The following CAPN1 variants were observed in gnomAD, a reference collection of about 807,000 sequenced individuals.
The protein encoded by CAPN1 is calpain-1 catalytic subunit.
A neutral mutation model predicts 105.2 loss-of-function variants in CAPN1; 77 were observed. That is an observed-to-expected ratio of 0.73 (90% confidence interval 0.61 to 0.88). The LOEUF (loss-of-function observed/expected upper bound fraction) is 0.88, where lower values mean the gene tolerates loss of function less well. Ranked by LOEUF, CAPN1 falls within the 40% of genes least tolerant of loss-of-function variation. The probability of loss-of-function intolerance (pLI) is 0.00; values close to 1 mark genes in which losing one functional copy is unlikely to be tolerated. For synonymous variants in CAPN1, 355 were observed against 388.8 expected (o/e 0.91, Z 1.02); for missense variants, 833 against 976.6 (o/e 0.85, Z 1.96).
Position 65,204,802 on chromosome 11 carries a change from C to T in CAPN1, c.1285C>T (p.Arg429Cys), listed in dbSNP as rs777787068. 7 of 1,612,456 alleles carry T rather than the reference C, an allele frequency of 4.3e-6. No homozygotes were observed. Among genetic ancestry groups the T allele is most frequent in the African/African-American group, 1.3e-5 (1 of 74,936 alleles). The change falls in exon 11 of 22, where the codon CGC (arginine) becomes TGC (cysteine). Residue 429 changes from arginine (R) to cysteine (C), a missense_variant. Coordinates refer to ENST00000279247, the MANE Select transcript of CAPN1 (RefSeq NM_005186.4). The part of the protein sequence containing the change: ...FVLALMQKHR[R>C]RERRFGRDME... ...GCTCGCCCTTATGCAGAAGCACCGTCGCCGCGAGCGCCGCTTCGGCCGCGA... is the reference window on the plus strand; with the variant it reads ...GCTCGCCCTTATGCAGAAGCACCGTTGCCGCGAGCGCCGCTTCGGCCGCGA...
chr11:65,210,895 G>A lies in CAPN1; in HGVS notation c.2118+23G>A. 1 of 1,588,584 alleles carries A rather than the reference G, an allele frequency of 6.3e-7. No individual in the cohort carries two copies. The highest frequency in any genetic ancestry group is 8.6e-7 in the Non-Finnish European group (1 of 1,157,152). ...AAGGTGGGAACCTCCCTGGGCCCAT[G>A]GTTGGGGAAGAGTTCCAGGCGATCG... On this transcript the variant is annotated intron_variant, in intron 21 of 21. Transcript: ENST00000279247. The surrounding 1 kb of genome is among the most constrained non-coding windows in gnomAD (Gnocchi z 4.3).
intron 10 of CAPN1, among the ~76,000 whole-genome samples, chr11:65,198,179 C>T (rs1216787551): frequency 6.6e-6 from 1 of 151,358 alleles, no homozygotes; most frequent in East Asian, 1.9e-4. Flanking sequence ...CTGGCTCTGT[C>T]ACCCAGGCTG....
intron 10 of CAPN1, among the ~76,000 whole-genome samples, chr11:65,190,712 G>GTTTTTTTTTTTTTTT (rs1565399076): frequency 1.8e-5 from 1 of 56,556 alleles, no homozygotes; most frequent in African/African-American, 5.0e-5. Context: ...GGTTTTTTTT[G>GTTTTTTTTTTTTTTT]TTTTTGTTTT....
chr11:65,186,835 T>TGG (rs1161399248), intron 6 of CAPN1, among the ~76,000 whole-genome samples: 1 of 152,230 alleles, frequency 6.6e-6, no homozygotes, highest in Non-Finnish European at 1.5e-5. Context: ...TTCCCATTTC[T>TGG]AACTGACTCT....
intron 6 of CAPN1, among the ~76,000 whole-genome samples, chr11:65,186,834 C>G (rs1052971045): frequency 6.6e-6 from 1 of 152,224 alleles, no homozygotes; most frequent in Non-Finnish European, 1.5e-5. Flanking sequence ...ATTCCCATTT[C>G]TAACTGACTC....
chr11:65,195,100 G>GT lies in CAPN1; in HGVS notation c.1165+6381dup, dbSNP rs60778423. On this transcript the variant is annotated intron_variant, in intron 10 of 21. Coordinates refer to ENST00000279247, the MANE Select transcript of CAPN1 (RefSeq NM_005186.4). ...AGTGGTATCACTGAAGTTTTTTGGGGTTTTTTTTTTTTTTTTTTTTTTTTT... is the reference window on the plus strand; with the variant it reads ...AGTGGTATCACTGAAGTTTTTTGGGGTTTTTTTTTTTTTTTTTTTTTTTTTT... Among the ~76,000 whole-genome samples the GT allele has an allele frequency of 3.9e-3, 356 of 90,884 alleles. 1 individual carries two copies. The highest frequency in any genetic ancestry group is 7.9e-3 in the South Asian group (19 of 2,392). The allele number at this position is 90,884 out of a possible 152,430, so 59.6% of individuals were successfully genotyped here.
At chr11:65,190,535 A>G (rs11227147) in intron 10 of CAPN1, among the ~76,000 whole-genome samples, 3 of 151,952 alleles carry the variant, frequency 2.0e-5, no homozygotes, top group Admixed American at 6.6e-5. Flanking sequence ...AGCGCCCTCA[A>G]GTAGTCCTGA....
At chr11:65,195,417 C>T (rs189963179) in intron 10 of CAPN1, among the ~76,000 whole-genome samples, 69 of 152,276 alleles carry the variant, frequency 4.5e-4, no homozygotes, top group East Asian at 2.5e-3. Context: ...TTAGCCACCG[C>T]GCCCGGCCAA....
chr11:65,187,972 G>A lies in CAPN1; in HGVS notation c.861G>A (p.Gln287=), dbSNP rs865874620. The A allele has an allele frequency of 4.5e-6, 7 of 1,562,048 alleles. No homozygotes were observed. The highest frequency in any genetic ancestry group is 5.2e-6 in the Non-Finnish European group (6 of 1,153,136). ...TGAKQVNYRG[Q]VVSLIRMRNP... ...GCAAATAGGTGAACTACCGAGGCCA[G>A]GTGGTGAGCCTGATCCGGATGCGGA... Residue 287 remains glutamine, a synonymous_variant, in exon 8 of 22, where the codon CAG becomes CAA. Coordinates refer to ENST00000279247, the MANE Select transcript of CAPN1 (RefSeq NM_005186.4).
chr11:65,195,102 T>C (rs1437162569), intron 10 of CAPN1, among the ~76,000 whole-genome samples: 1 of 90,656 alleles, frequency 1.1e-5, no homozygotes, highest in East Asian at 3.4e-4. Flanking sequence ...TTTTTGGGGT[T>C]TTTTTTTTTT....
intron 10 of CAPN1, among the ~76,000 whole-genome samples, chr11:65,193,221 C>A (rs1044544046): frequency 4.6e-5 from 7 of 150,804 alleles, no homozygotes; most frequent in East Asian, 3.9e-4. Context: ...CCTTGTGATC[C>A]TCCTGCCTCG....
At chr11:65,184,504 G>A (rs1948603888) in intron 4 of CAPN1, among the ~76,000 whole-genome samples, 1 of 47,864 alleles carries the variant, frequency 2.1e-5, no homozygotes, top group African/African-American at 8.4e-5. Context: ...TCCTGGCCCC[G>A]ACCCCTCAGA....
chr11:65,210,321 A>G lies in CAPN1; in HGVS notation c.1943-15A>G. ...GGCTGCGCCTCACTGACCTTCACTC[A>G]CTCTCCTGGACCAGGCTTCAAGCTC... On this transcript the variant is annotated splice_polypyrimidine_tract_variant and intron_variant, in intron 19 of 21. Coordinates refer to ENST00000279247, the MANE Select transcript of CAPN1 (RefSeq NM_005186.4). The surrounding 1 kb of genome is among the most constrained non-coding windows in gnomAD (Gnocchi z 4.3). 1 of 1,580,920 alleles carries G rather than the reference A, an allele frequency of 6.3e-7. No individual in the cohort carries two copies. The highest frequency in any genetic ancestry group is 1.7e-4 in the Middle Eastern group (1 of 6,004).
rs1159043842 is a variant in CAPN1 at position 65,185,965 on chromosome 11, C to T, written c.505C>T (p.Pro169Ser). The T allele has an allele frequency of 6.3e-7, 1 of 1,599,162 alleles. No individual in the cohort carries two copies. Among genetic ancestry groups the T allele is most frequent in the South Asian group, 1.1e-5 (1 of 88,514 alleles). ...GGACGTGGTCGTGGATGACCTGCTG[C>T]CCATCAAGGACGGGAAGCTAGTGTT... ...WVDVVVDDLLPIKDGKLVFVH... is the reference protein window; with the variant it reads ...WVDVVVDDLLSIKDGKLVFVH... The change falls in exon 5 of 22, where the codon CCC becomes TCC. Residue 169 changes from proline to serine, a missense_variant. Transcript: ENST00000279247.
chr11:65,195,105 T>G (rs1245156883), intron 10 of CAPN1, among the ~76,000 whole-genome samples: 4 of 140,280 alleles, frequency 2.9e-5, no homozygotes, highest in African/African-American at 7.9e-5. Context: ...TTGGGGTTTT[T>G]TTTTTTTTTT....
rs538607408 is a variant in CAPN1 at position 65,209,656 on chromosome 11, C to T, written c.1795-193C>T. ...GTGCTATTTCTGACCCCTCCCCAGCCCACTCCACTGCAGCCCAGCTCAGAG... is the reference window on the plus strand; with the variant it reads ...GTGCTATTTCTGACCCCTCCCCAGCTCACTCCACTGCAGCCCAGCTCAGAG... On this transcript the variant is annotated intron_variant, in intron 17 of 21. Transcript: ENST00000279247. The surrounding 1 kb of genome is among the most constrained non-coding windows in gnomAD (Gnocchi z 4.1). 46 of 654,798 alleles carry T rather than the reference C, an allele frequency of 7.0e-5. 1 individual carries two copies. In the Admixed American group the frequency reaches 9.6e-4, roughly 14 times the overall value. The allele number at this position is 654,798 out of a possible 1,614,324, so 40.6% of individuals were successfully genotyped here.
At chr11:65,186,477 C>T in intron 6 of CAPN1, 139 bp downstream of exon 6, 1 of 765,772 alleles carries the variant, frequency 1.3e-6, no homozygotes, top group Non-Finnish European at 2.1e-6. Context: ...CATACCCTGC[C>T]TCATCCATCA....
intron 11 of CAPN1, 69 bp downstream of exon 11, chr11:65,204,927 GCA>G (rs1330954051): frequency 1.1e-5 from 15 of 1,382,788 alleles, no homozygotes; most frequent in Non-Finnish European, 1.5e-5. Flanking sequence ...GACCCGCAGT[GCA>G]GGCGGGCTTC....
chr11:65,210,512 C>G lies in CAPN1; in HGVS notation c.2059+60C>G, dbSNP rs1353078636. On this transcript the variant is annotated intron_variant, in intron 20 of 21. Transcript: ENST00000279247. This position sits in a 1 kb window ranked among gnomAD's most constrained non-coding sequence, Gnocchi z 4.3. The stretch of plus-strand genomic sequence containing the variant: ...CCGTCCCAAACGCGTCCCCCAGGAG[C>G]TGGGGGGAATGACAGATGGGTGAAT... 3.9e-6 allele frequency: 4 copies of G among 1,027,066 alleles called. No homozygotes were observed. The highest frequency in any genetic ancestry group is 6.0e-6 in the Non-Finnish European group (4 of 663,964). The allele number at this position is 1,027,066 out of a possible 1,614,324, so 63.6% of individuals were successfully genotyped here.
Sources: allele counts gnomAD v4.1 joint callset (sites outside exome capture counted in the v4.1 genomes callset), GRCh38; gene constraint gnomAD v4.1.1; non-coding constraint Gnocchi (gnomAD v3.1); transcripts MANE v1.5; gene names NCBI Gene and HGNC (gene_info 2026-07-23, HGNC 2026-07-21).